CEP83: variants seen among roughly 807,000 people sequenced by gnomAD.
CEP83 encodes the protein centrosomal protein of 83 kDa.
In CEP83, 70 loss-of-function variants were observed where a neutral mutation model predicts 101.9. The ratio of observed to expected loss-of-function variants is 0.69; its 90% confidence interval spans 0.57 to 0.84. CEP83 has a LOEUF of 0.84. Ranked by LOEUF, CEP83 falls within the 40% of genes least tolerant of loss-of-function variation. The pLI is 0.00. For synonymous variants in CEP83, 264 were observed against 267.9 expected (o/e 0.99, Z 0.14); for missense variants, 715 against 787.2 (o/e 0.91, Z 1.10).
At chr12:94,348,251 A>G (rs139729078) in intron 11 of CEP83, among the ~76,000 whole-genome samples, 1 of 152,210 alleles carries the variant, frequency 6.6e-6, no homozygotes, top group East Asian at 1.9e-4. Context: ...TACTTTTCAA[A>G]AGGAGGAGCA....
intron 6 of CEP83, among the ~76,000 whole-genome samples, chr12:94,394,670 C>T (rs942214995): frequency 3.9e-5 from 6 of 152,120 alleles, no homozygotes; most frequent in Non-Finnish European, 7.3e-5. Flanking sequence ...AAAGAAATTA[C>T]CATCAGAGTG....
chr12:94,343,422 A>T (rs1201756014), intron 11 of CEP83, among the ~76,000 whole-genome samples: 2 of 151,736 alleles, frequency 1.3e-5, no homozygotes, highest in African/African-American at 4.8e-5. Context: ...CAAAGCAGAA[A>T]GAGTACAAAC....
intron 14 of CEP83, among the ~76,000 whole-genome samples, chr12:94,325,516 G>C (rs1197186920): frequency 6.6e-6 from 1 of 152,148 alleles, no homozygotes; most frequent in African/African-American, 2.4e-5. Context: ...CCACCTGATA[G>C]TATTTCTTTC....
chr12:94,389,695 C>T lies in CEP83; in HGVS notation c.550-10653G>A, dbSNP rs372881007. On this transcript the variant is annotated intron_variant, in intron 6 of 16. Coordinates refer to ENST00000397809, the MANE Select transcript of CEP83 (RefSeq NM_016122.3). ...ACCTCACCCGGGAAGTGCAAGGGGTCGGGGTATTTCCCTTTCCTGGCCAAG... is the reference window on the plus strand; with the variant it reads ...ACCTCACCCGGGAAGTGCAAGGGGTTGGGGTATTTCCCTTTCCTGGCCAAG... 2.6e-4 allele frequency among the ~76,000 whole-genome samples: 40 copies of T among 152,280 alleles called. 1 individual carries two copies. The South Asian group carries it at 5.6e-3, about 21-fold the overall frequency.
intron 12 of CEP83, among the ~76,000 whole-genome samples, chr12:94,334,507 C>G (rs1333128401): frequency 6.6e-6 from 1 of 152,128 alleles, no homozygotes; most frequent in Non-Finnish European, 1.5e-5. Flanking sequence ...CCTTTCACTT[C>G]CTTTTATCTC....
At chr12:94,285,433 C>T in the CEP83 span, among the ~76,000 whole-genome samples, 2 of 152,160 alleles carry the variant, frequency 1.3e-5, no homozygotes, top group South Asian at 4.1e-4. Context: ...AGGTGCTGCC[C>T]CTGTGGCATT....
intron 2 of CEP83, among the ~76,000 whole-genome samples, chr12:94,413,315 C>T (rs985361194): frequency 6.6e-6 from 1 of 152,174 alleles, no homozygotes; most frequent in Admixed American, 6.5e-5. Context: ...AAGTATTAAC[C>T]TAGCTCCACT....
In CEP83 at chr12:94,376,006, T is replaced by C; in HGVS notation, c.813A>G (p.Gln271=). Residue 271 remains glutamine (Q), a synonymous_variant, in exon 8 of 17, where the codon CAA becomes CAG. Transcript: ENST00000397809. ...ATVRSLEAEK[Q]SANLRAERLE... is the part of the protein sequence containing the mutation. ...AACGTTCTGCCCGTAAATTAGCTGA[T>C]TGTTTTTCAGCCTTTCATACAAACA... The C allele has an allele frequency of 1.3e-6, 2 of 1,558,204 alleles. No homozygotes were observed. Among genetic ancestry groups the C allele is most frequent in the Non-Finnish European group, 1.7e-6 (2 of 1,151,424 alleles).
chr12:94,401,354 TAAGTAA>T (rs1354789531), intron 5 of CEP83: 1 of 152,334 alleles, frequency 6.6e-6, no homozygotes, highest in African/African-American at 2.4e-5. Context: ...TAATTTAGTA[TAAGTAA>T]AACAAATTCA....
chr12:94,287,894 T>C, the CEP83 span, among the ~76,000 whole-genome samples: 1 of 152,234 alleles, frequency 6.6e-6, no homozygotes, highest in Admixed American at 6.5e-5. Context: ...CTTTCCGTCT[T>C]CTTTACCGCT....
chr12:94,406,499 C>A (rs1252774783), intron 4 of CEP83, among the ~76,000 whole-genome samples: 1 of 151,210 alleles, frequency 6.6e-6, no homozygotes, highest in Non-Finnish European at 1.5e-5. Flanking sequence ...GTGGTGGGGG[C>A]AGGGGGGATA....
the CEP83 span, chr12:94,277,723 G>C: frequency 2.9e-6 from 1 of 345,296 alleles, no homozygotes; most frequent in Non-Finnish European, 5.7e-6. Flanking sequence ...GGCTGAATCT[G>C]TTTGCAAATG....
chr12:94,299,572 T>TTG, the CEP83 span, among the ~76,000 whole-genome samples: 34 of 152,172 alleles, frequency 2.2e-4, no homozygotes, highest in African/African-American at 6.5e-4. Flanking sequence ...AGCCTCTTTT[T>TTG]TTTTGAGACA....
At chr12:94,283,358 G>T in the CEP83 span, among the ~76,000 whole-genome samples, 1 of 152,024 alleles carries the variant, frequency 6.6e-6, no homozygotes, top group East Asian at 1.9e-4. Flanking sequence ...ACTTGAGAGG[G>T]GCAATGGAGA....
intron 4 of CEP83, among the ~76,000 whole-genome samples, chr12:94,404,699 T>A (rs949375335): frequency 6.6e-6 from 1 of 152,102 alleles, no homozygotes; most frequent in African/African-American, 2.4e-5. Flanking sequence ...ACTTTAAAAA[T>A]TTATTTTATT....
intron 11 of CEP83, among the ~76,000 whole-genome samples, chr12:94,354,759 C>T (rs2060365802): frequency 6.6e-6 from 1 of 152,132 alleles, no homozygotes; most frequent in Non-Finnish European, 1.5e-5. Context: ...CACCTGTAAT[C>T]CCAACACTTC....
chr12:94,321,279 G>C (rs2058734377), intron 14 of CEP83, among the ~76,000 whole-genome samples: 1 of 152,040 alleles, frequency 6.6e-6, no homozygotes, highest in African/African-American at 2.4e-5. Flanking sequence ...TCGTTTTATT[G>C]TGATTCTTAG....
chr12:94,290,315 C>T, the CEP83 span, among the ~76,000 whole-genome samples: 2 of 152,198 alleles, frequency 1.3e-5, no homozygotes, highest in Non-Finnish European at 2.9e-5. Flanking sequence ...AAGGGGGTGC[C>T]TGCACAGAGC....
intron 3 of CEP83, 38 bp from the exon 4 acceptor site, chr12:94,411,885 CCTTT>C (rs778416703): frequency 1.3e-6 from 2 of 1,536,848 alleles, no homozygotes; most frequent in Admixed American, 3.5e-5. Flanking sequence ...TTGAGTAAAT[CCTTT>C]CTTTCTAATT....
Sources: gnomAD v4.1 joint callset for allele counts (sites outside exome capture counted in the v4.1 genomes callset) on GRCh38, gnomAD v4.1.1 for gene constraint, MANE v1.5 for transcripts, NCBI Gene and HGNC (gene_info 2026-07-23, HGNC 2026-07-21) for gene names.